ZNF653: variants seen among roughly 807,000 people sequenced by gnomAD.
ZNF653 encodes the protein 67 kDa zinc finger protein.
ZNF653 carries 37 observed loss-of-function variants against 59.9 expected under a neutral mutation model. That is an observed-to-expected ratio of 0.62 (90% CI 0.48 to 0.81). ZNF653 has a LOEUF of 0.81. ZNF653 is among the 40% of genes least tolerant of loss of function. The pLI, the probability that ZNF653 is intolerant of heterozygous loss-of-function variation, is 0.00. For synonymous variants in ZNF653, 435 were observed against 371.8 expected, an observed-to-expected ratio of 1.17 and a Z score of -1.96; for missense variants, 808 against 881.1, an observed-to-expected ratio of 0.92 and a Z score of 1.05.
chr19:11,493,607 C>A (rs774724078), intron 3 of ZNF653, among the ~76,000 whole-genome samples: 1 of 152,128 alleles, frequency 6.6e-6, no homozygotes, highest in South Asian at 2.1e-4. Flanking sequence ...AGAAGGAGGG[C>A]GCAGTGTCCT....
intron 6 of ZNF653, 85 bp downstream of exon 6, chr19:11,486,684 G>A (rs1285684387): frequency 8.5e-7 from 1 of 1,176,848 alleles, no homozygotes; most frequent in African/African-American, 1.5e-5. Context: ...AATTTCAAGG[G>A]GCAAACTAGA....
intron 3 of ZNF653, among the ~76,000 whole-genome samples, chr19:11,488,339 TA>T (rs1335459178): frequency 3.3e-5 from 5 of 151,564 alleles, no homozygotes; most frequent in African/African-American, 7.3e-5. Flanking sequence ...TTAATAGAGA[TA>T]GGGGTTCACC....
Position 11,495,901 on chromosome 19 carries a change from G to A in ZNF653, c.559+49C>T, listed in dbSNP as rs753954713. 2 of 1,562,522 alleles carry A rather than the reference G, an allele frequency of 1.3e-6. No individual in the cohort carries two copies. The highest frequency in any genetic ancestry group is 1.7e-6 in the Non-Finnish European group (2 of 1,146,924). ...GATGCTAGCCTAGGGCTCGTAAGAA[G>A]CCCCCAGAAATGGGCGGCCCCCTAT... On this transcript the variant is annotated intron_variant, in intron 3 of 8. Transcript: ENST00000293771. This position sits in a 1 kb window ranked among gnomAD's most constrained non-coding sequence, Gnocchi z 4.9.
At chr19:11,485,090 A>C (rs74547446) in intron 7 of ZNF653, among the ~76,000 whole-genome samples, 15,065 of 151,338 alleles carry the variant, frequency 0.1, 1,396 homozygotes, top group African/African-American at 0.25. Flanking sequence ...AACAAAAAAA[A>C]CCCCCAAACT....
Position 11,496,029 on chromosome 19 carries a change from G to C in ZNF653, c.480C>G (p.Cys160Trp). The change falls in exon 3 of 9, where the codon TGC (cysteine) becomes TGG (tryptophan). Residue 160 changes from cysteine to tryptophan, a missense_variant. Transcript: ENST00000293771. ...FGLYTTAVWQ[C>W]EAGHRYFQDL... ...CCTGGAAGTAGCGGTGGCCAGCTTC[G>C]CACTGCCACACGGCCGTGGTGTACA... 1 of 1,614,148 alleles carries C rather than the reference G, an allele frequency of 6.2e-7. No homozygotes were observed. The highest frequency in any genetic ancestry group is 8.5e-7 in the Non-Finnish European group (1 of 1,180,014).
intron 2 of ZNF653, among the ~76,000 whole-genome samples, chr19:11,496,654 G>A (rs2144946659): frequency 6.6e-6 from 1 of 152,294 alleles, no homozygotes. Flanking sequence ...GATCACTTAA[G>A]GCCAGGAGTT....
chr19:11,505,742 C>T lies in ZNF653; in HGVS notation c.45G>A (p.Glu15=). The T allele has an allele frequency of 1.4e-6, 2 of 1,448,432 alleles. No individual in the cohort carries two copies. The highest frequency in any genetic ancestry group is 2.8e-5 in the South Asian group (2 of 72,688). 89.7% of individuals were successfully genotyped at this position (1,448,432 alleles called of 1,614,324 possible). Residue 15 remains glutamate (E), a synonymous_variant, in exon 1 of 9, where the codon GAG becomes GAA. Coordinates refer to ENST00000293771, the MANE Select transcript of ZNF653 (RefSeq NM_138783.4). ...ALEPEAEAEA[E]AGAGGEAAAE... is the part of the protein sequence containing the mutation. Reference sequence around the variant, plus strand: ...CTGCTGCCTCCCCGCCCGCGCCCGCCTCAGCCTCCGCCTCCGCCTCGGGCT... The same window carrying T: ...CTGCTGCCTCCCCGCCCGCGCCCGCTTCAGCCTCCGCCTCCGCCTCGGGCT...
intron 2 of ZNF653, among the ~76,000 whole-genome samples, chr19:11,497,419 TG>T (rs1971600290): frequency 6.6e-6 from 1 of 152,156 alleles, no homozygotes; most frequent in African/African-American, 2.4e-5. Flanking sequence ...CCTTCCAAGC[TG>T]GGTAGCTCCA....
chr19:11,502,752 C>G (rs987327277), intron 1 of ZNF653, among the ~76,000 whole-genome samples: 2 of 152,078 alleles, frequency 1.3e-5, no homozygotes, highest in Non-Finnish European at 2.9e-5. Context: ...TCTGCAACCC[C>G]GCCGGGCGCA....
chr19:11,503,174 T>C (rs540604207), intron 1 of ZNF653, among the ~76,000 whole-genome samples: 11 of 152,342 alleles, frequency 7.2e-5, no homozygotes, highest in Admixed American at 2.0e-4. Flanking sequence ...TGGCTCTGGA[T>C]GACCTTCCCT....
chr19:11,501,269 C>G (rs1479691756), intron 1 of ZNF653, among the ~76,000 whole-genome samples: 7 of 151,648 alleles, frequency 4.6e-5, no homozygotes, highest in African/African-American at 1.5e-4. Context: ...GCTTCGACCT[C>G]CAGGGCTCAA....
rs1568399285 is a variant in ZNF653 at position 11,505,728 on chromosome 19, CCGCCCG to C, written c.53_58del (p.Ala18_Gly19del). The C allele has an allele frequency of 6.9e-7, 1 of 1,458,430 alleles. No homozygotes were observed. The highest frequency in any genetic ancestry group is 9.0e-7 in the Non-Finnish European group (1 of 1,115,512). 90.3% of individuals were successfully genotyped at this position (1,458,430 alleles called of 1,614,324 possible). On this transcript the variant is annotated inframe_deletion, in exon 1 of 9. Coordinates refer to ENST00000293771, the MANE Select transcript of ZNF653 (RefSeq NM_138783.4). Reference sequence around the variant, plus strand: ...TGCGCCCTCCTCGGCTGCTGCCTCCCCGCCCGCGCCCGCCTCAGCCTCCGCCTCCGC... The same window carrying C: ...TGCGCCCTCCTCGGCTGCTGCCTCCCCGCCCGCCTCAGCCTCCGCCTCCGC...
chr19:11,497,387 G>A (rs1170034650), intron 2 of ZNF653, among the ~76,000 whole-genome samples: 1 of 152,238 alleles, frequency 6.6e-6, no homozygotes, highest in Non-Finnish European at 1.5e-5. Flanking sequence ...CGGACCGCCT[G>A]GGTTTGAATC....
At position 11,487,318 on chromosome 19, in the gene ZNF653, G is replaced by A. The variant is rs146146262; in HGVS notation, c.1145C>T (p.Ala382Val). The change falls in exon 4 of 9, where the codon GCA becomes GTA. Residue 382 changes from alanine (A) to valine (V), a missense_variant. Coordinates refer to ENST00000293771, the MANE Select transcript of ZNF653 (RefSeq NM_138783.4). The surrounding 1 kb of genome is among the most constrained non-coding windows in gnomAD (Gnocchi z 5.1). Reference protein sequence around the residue: ...GSQPSTMDATAVAGIETKKEK... With the variant: ...GSQPSTMDATVVAGIETKKEK... Reference sequence around the variant, plus strand: ...TTTCTTGGTCTCGATGCCTGCTACTGCGGTGGCGTCCATGGTGCTAGGCTG... The same window carrying A: ...TTTCTTGGTCTCGATGCCTGCTACTACGGTGGCGTCCATGGTGCTAGGCTG... 4.2e-4 allele frequency: 677 copies of A among 1,613,532 alleles called. 4 individuals are homozygous for A. The Middle Eastern group carries it at 5.3e-3, about 13-fold the overall frequency.
chr19:11,497,127 A>G lies in ZNF653; in HGVS notation c.344-962T>C, dbSNP rs552762539. Among the ~76,000 whole-genome samples, 17 of 152,302 alleles carry G rather than the reference A, an allele frequency of 1.1e-4. 1 individual carries two copies. Among genetic ancestry groups the G allele is most frequent in the South Asian group, 1.0e-3 (5 of 4,826 alleles). ...CCCTCCAAGAGGCCACTCCCTGCCC[A>G]GTCACTCTAGCCGACCTTAACTTTG... On this transcript the variant is annotated intron_variant, in intron 2 of 8. Transcript: ENST00000293771.
intron 3 of ZNF653, among the ~76,000 whole-genome samples, chr19:11,488,118 G>C (rs1223146611): frequency 6.7e-6 from 1 of 148,326 alleles, no homozygotes; most frequent in Non-Finnish European, 1.5e-5. Flanking sequence ...CTCCCGAGTA[G>C]CTGGGACTAC....
chr19:11,497,828 T>C (rs968344145), intron 2 of ZNF653, among the ~76,000 whole-genome samples: 1 of 152,144 alleles, frequency 6.6e-6, no homozygotes, highest in Non-Finnish European at 1.5e-5. Flanking sequence ...ATCAAGGTCA[T>C]AGCTCACCCC....
intron 1 of ZNF653, among the ~76,000 whole-genome samples, chr19:11,504,069 C>T (rs924105083): frequency 6.6e-5 from 10 of 152,066 alleles, no homozygotes; most frequent in Non-Finnish European, 1.5e-4. Flanking sequence ...CATGCCACTG[C>T]ATTCCACTCT....
At position 11,486,975 on chromosome 19, in the gene ZNF653, C is replaced by G. The variant is rs533973451; in HGVS notation, c.1343+12G>C. The G allele has an allele frequency of 5.7e-5, 92 of 1,613,190 alleles. 2 individuals are homozygous for G. In the East Asian group the frequency reaches 1.8e-3, roughly 32 times the overall value. ...AGCCCTCGCCCTCACCCTTGCCCGCCCCGGCACCCACTTCTCAGGCTCCTT... is the reference window on the plus strand; with the variant it reads ...AGCCCTCGCCCTCACCCTTGCCCGCGCCGGCACCCACTTCTCAGGCTCCTT... On this transcript the variant is annotated intron_variant, in intron 5 of 8. Coordinates refer to ENST00000293771, the MANE Select transcript of ZNF653 (RefSeq NM_138783.4).
Sources: gnomAD v4.1 joint callset for allele counts (sites outside exome capture counted in the v4.1 genomes callset) on GRCh38, gnomAD v4.1.1 for gene constraint, Gnocchi (gnomAD v3.1) non-coding constraint, MANE v1.5 for transcripts, NCBI Gene and HGNC (gene_info 2026-07-23, HGNC 2026-07-21) for gene names.